Variants in PCED1B observed in about 807,000 individuals in gnomAD.
PCED1B encodes PC-esterase domain containing 1B.
For missense variants in PCED1B, 573 were observed against 573.9 expected, an observed-to-expected ratio of 1.00 and a Z score of 0.02; for synonymous variants, 251 against 246.1, an observed-to-expected ratio of 1.02 and a Z score of -0.19.
chr12:47,127,491 C>T (rs1939939220), intron 2 of PCED1B, among the ~76,000 whole-genome samples: 1 of 151,256 alleles, frequency 6.6e-6, no homozygotes, highest in Non-Finnish European at 1.5e-5. Context: ...GCCTCACCCT[C>T]CCGAGTAGCT....
intron 2 of PCED1B, among the ~76,000 whole-genome samples, chr12:47,105,724 C>G (rs1938918809): frequency 6.6e-6 from 1 of 152,024 alleles, no homozygotes; most frequent in African/African-American, 2.4e-5. Flanking sequence ...TATTTTGTCC[C>G]TTTTAAAAAG....
chr12:47,233,933 A>G (rs1943889164), intron 3 of PCED1B, among the ~76,000 whole-genome samples: 1 of 152,162 alleles, frequency 6.6e-6, no homozygotes, highest in African/African-American at 2.4e-5. Context: ...TTGATGAGAA[A>G]CAGCTACTTC....
At chr12:47,230,455 T>C (rs1052241832) in intron 3 of PCED1B, among the ~76,000 whole-genome samples, 1 of 151,252 alleles carries the variant, frequency 6.6e-6, no homozygotes, top group Non-Finnish European at 1.5e-5. Flanking sequence ...ACTTTTCCCT[T>C]TTTTTTGACA....
chr12:47,137,040 C>A (rs571928966), intron 2 of PCED1B, among the ~76,000 whole-genome samples: 3 of 152,168 alleles, frequency 2.0e-5, no homozygotes, highest in Non-Finnish European at 4.4e-5. Flanking sequence ...TAAAAGAACT[C>A]ATGAAGTATT....
intron 2 of PCED1B, among the ~76,000 whole-genome samples, chr12:47,119,687 A>G (rs1157486344): frequency 6.6e-6 from 1 of 152,042 alleles, no homozygotes; most frequent in Non-Finnish European, 1.5e-5. Flanking sequence ...CCTCAATAAT[A>G]AAAAGATTAG....
intron 3 of PCED1B, among the ~76,000 whole-genome samples, chr12:47,232,963 G>A (rs1426618943): frequency 6.6e-6 from 1 of 150,898 alleles, no homozygotes. Context: ...TAGAGATGGG[G>A]TCTCACTTTG....
chr12:47,087,020 G>A (rs976439474), intron 1 of PCED1B, among the ~76,000 whole-genome samples: 16 of 152,150 alleles, frequency 1.1e-4, no homozygotes, highest in African/African-American at 3.6e-4. Context: ...AAAAGAATCA[G>A]CTCTCTCCAT....
intron 2 of PCED1B, among the ~76,000 whole-genome samples, chr12:47,153,750 T>C (rs1460035611): frequency 6.6e-6 from 1 of 152,254 alleles, no homozygotes; most frequent in Non-Finnish European, 1.5e-5. Context: ...CTCTGAATTA[T>C]GAAATAAATA....
At chr12:47,094,456 A>G (rs12369357) in intron 1 of PCED1B, among the ~76,000 whole-genome samples, 41,081 of 151,582 alleles carry the variant, frequency 0.27, 6,020 homozygotes, top group Admixed American at 0.43. Flanking sequence ...TTCATTTTCT[A>G]TTGTGCTCTT....
At position 47,223,216 on chromosome 12, in the gene PCED1B, G is replaced by C. The variant is rs578190417; in HGVS notation, c.-58+6527G>C. ...CAGGATACAAGGGTGTCACAAATACGTGGACTTGAGGGCTGGGTTTCTCAG... is the reference window on the plus strand; with the variant it reads ...CAGGATACAAGGGTGTCACAAATACCTGGACTTGAGGGCTGGGTTTCTCAG... On this transcript the variant is annotated intron_variant, in intron 3 of 3. Transcript: ENST00000546455. 1.2e-4 allele frequency among the ~76,000 whole-genome samples: 18 copies of C among 152,224 alleles called. No individual in the cohort carries two copies. The South Asian group carries it at 3.7e-3, about 32-fold the overall frequency.
intron 1 of PCED1B, among the ~76,000 whole-genome samples, chr12:47,082,814 G>T (rs894970355): frequency 5.9e-5 from 9 of 152,070 alleles, no homozygotes; most frequent in African/African-American, 1.9e-4. Context: ...TGCCAGGGTG[G>T]TTCCAACCTG....
At chr12:47,196,689 G>A (rs930795880) in intron 2 of PCED1B, among the ~76,000 whole-genome samples, 11 of 152,020 alleles carry the variant, frequency 7.2e-5, no homozygotes, top group African/African-American at 2.7e-4. Flanking sequence ...TTATCTGGGC[G>A]TGGTGGCGGG....
At chr12:47,097,909 A>ACCAAATTGTTACCCATGCT (rs1207994690) in intron 1 of PCED1B, among the ~76,000 whole-genome samples, 2 of 152,218 alleles carry the variant, frequency 1.3e-5, no homozygotes, top group Non-Finnish European at 2.9e-5. Flanking sequence ...AGAACCAGAA[A>ACCAAATTGTTACCCATGCT]CCAAATTGTT....
At chr12:47,198,364 A>G (rs1096740) in intron 2 of PCED1B, among the ~76,000 whole-genome samples, 8,190 of 152,290 alleles carry the variant, frequency 0.054, 297 homozygotes, top group African/African-American at 0.098. Flanking sequence ...GTTTAGAGAA[A>G]AATCTCTCAA....
chr12:47,210,479 T>G (rs993142675), intron 2 of PCED1B: 1 of 152,226 alleles, frequency 6.6e-6, no homozygotes, highest in African/African-American at 2.4e-5. Context: ...TTTAAATGTA[T>G]TTCAGGCCGG....
intron 1 of PCED1B, chr12:47,080,078 C>T (rs1028790888): frequency 1.3e-5 from 2 of 152,438 alleles, no homozygotes; most frequent in African/African-American, 4.8e-5. Flanking sequence ...GCCGCCTCCT[C>T]CCGCTTTCCT....
intron 3 of PCED1B, among the ~76,000 whole-genome samples, chr12:47,226,340 C>T (rs917838021): frequency 1.3e-5 from 2 of 152,126 alleles, no homozygotes; most frequent in Non-Finnish European, 2.9e-5. Flanking sequence ...TCTTTAAGTG[C>T]CCATTTTCTT....
chr12:47,205,458 G>A (rs1942884037), intron 2 of PCED1B, among the ~76,000 whole-genome samples: 1 of 152,188 alleles, frequency 6.6e-6, no homozygotes, highest in South Asian at 2.1e-4. Context: ...TGCAAAGACA[G>A]TGTAGTCTTC....
intron 2 of PCED1B, among the ~76,000 whole-genome samples, chr12:47,147,464 C>A (rs1468078783): frequency 6.6e-6 from 1 of 152,174 alleles, no homozygotes; most frequent in Non-Finnish European, 1.5e-5. Flanking sequence ...CTCAGAATGG[C>A]TTTTACCATC....
Sources: gnomAD v4.1 joint callset for allele counts (sites outside exome capture counted in the v4.1 genomes callset) on GRCh38, gnomAD v4.1.1 for gene constraint, MANE v1.5 for transcripts, NCBI Gene and HGNC (gene_info 2026-07-23, HGNC 2026-07-21) for gene names.